CPS1: variants seen among roughly 807,000 people sequenced by gnomAD.
CPS1 encodes the protein carbamoyl-phosphate synthase [ammonia], mitochondrial.
CPS1 carries 109 observed loss-of-function variants against 174.6 expected under a neutral mutation model. The ratio of observed to expected loss-of-function variants is 0.62; its 90% CI spans 0.53 to 0.73. CPS1 has a LOEUF of 0.73. CPS1 is among the 30% of genes least tolerant of loss of function. The pLI is 0.00. For missense variants in CPS1, 1,689 were observed against 1,821.9 expected, an observed-to-expected ratio of 0.93 and a Z score of 1.33; for synonymous variants, 637 against 632.0, an observed-to-expected ratio of 1.01 and a Z score of -0.12.
intron 28 of CPS1, among the ~76,000 whole-genome samples, chr2:210,653,568 T>C (rs1023331805): frequency 9.2e-5 from 14 of 152,214 alleles, no homozygotes; most frequent in African/African-American, 2.9e-4. Flanking sequence ...TTCTGAGTTC[T>C]CCCACAATTC....
At chr2:210,669,088 A>G (rs1188258425) in intron 34 of CPS1, among the ~76,000 whole-genome samples, 5 of 152,200 alleles carry the variant, frequency 3.3e-5, no homozygotes, top group Non-Finnish European at 7.4e-5. Flanking sequence ...ATTCATTGGT[A>G]AGCCTTCTAG....
rs142089591 is a variant in CPS1 at position 210,514,979 on chromosome 2, T to C, written c.3+37213T>C. Among the ~76,000 whole-genome samples the C allele has an allele frequency of 5.3e-4, 80 of 151,876 alleles. No individual in the cohort carries two copies. The East Asian group carries it at 0.011, about 20-fold the overall frequency. On this transcript the variant is annotated intron_variant, in intron 1 of 38. Coordinates refer to the CPS1 transcript ENST00000430249. ...ATCATATGTTTTGTTGTTAATTCTC[T>C]TTATGTGGTAAATCGAATTTATTGA... is the stretch of plus-strand genomic sequence containing the variant.
At position 210,637,775 on chromosome 2, in the gene CPS1, C is replaced by G; in HGVS notation, c.2761C>G (p.Leu921Val). 1.2e-6 allele frequency: 2 copies of G among 1,613,970 alleles called. No individual in the cohort carries two copies. The highest frequency in any genetic ancestry group is 1.7e-6 in the Non-Finnish European group (2 of 1,179,900). Reference protein sequence around the residue: ...GFSDKQISKCLGLTEAQTREL... With the variant: ...GFSDKQISKCVGLTEAQTREL... ...CTCAGATAAGCAGATTTCAAAATGC[C>G]TTGGGCTCACTGAGGCCCAGACAAG... The change falls in exon 22 of 38, where the codon CTT (leucine) becomes GTT (valine). Residue 921 changes from leucine (L) to valine (V), a missense_variant. Coordinates refer to ENST00000233072, the MANE Select transcript of CPS1 (RefSeq NM_001875.5).
At chr2:210,608,224 A>G (rs1698988636) in intron 18 of CPS1, 137 bp from the exon 19 acceptor site, 1 of 760,000 alleles carries the variant, frequency 1.3e-6, no homozygotes, top group African/African-American at 1.7e-5. Flanking sequence ...CTAAATATTG[A>G]TGCAGAACAG....
chr2:210,556,972 A>G (rs1696933201), intron 1 of CPS1, 113 bp downstream of exon 1: 4 of 1,199,402 alleles, frequency 3.3e-6, no homozygotes, highest in Non-Finnish European at 4.9e-6. Flanking sequence ...CTGAAGTACT[A>G]ATGTATTAAT....
intron 1 of CPS1, among the ~76,000 whole-genome samples, chr2:210,502,241 C>T (rs1307503895): frequency 6.6e-6 from 1 of 151,828 alleles, no homozygotes; most frequent in Non-Finnish European, 1.5e-5. Flanking sequence ...ACCATATTAC[C>T]AATTTTCCTT....
intron 32 of CPS1, 96 bp downstream of exon 32, chr2:210,660,751 T>C (rs1406044890): frequency 1.7e-6 from 2 of 1,201,056 alleles, no homozygotes; most frequent in Non-Finnish European, 2.4e-6. Context: ...TAAAACCTTC[T>C]AACTAAAGGG....
intron 1 of CPS1, among the ~76,000 whole-genome samples, chr2:210,503,698 A>G (rs1038889622): frequency 6.6e-6 from 1 of 152,200 alleles, no homozygotes; most frequent in Non-Finnish European, 1.5e-5. Context: ...GGGTGAACAC[A>G]TTCAGGTTAC....
intron 21 of CPS1, among the ~76,000 whole-genome samples, chr2:210,623,844 G>A (rs190319309): frequency 2.0e-5 from 3 of 152,232 alleles, no homozygotes; most frequent in Admixed American, 6.5e-5. Context: ...CAAAAATCAG[G>A]CAAGAACGTT....
intron 1 of CPS1, among the ~76,000 whole-genome samples, chr2:210,501,233 G>A (rs1267714329): frequency 1.3e-5 from 2 of 152,122 alleles, no homozygotes; most frequent in African/African-American, 4.8e-5. Flanking sequence ...GGGCTGCCAT[G>A]AAGGTCACTG....
Position 210,642,664 on chromosome 2 carries a change from A to T in CPS1, c.3140A>T (p.Glu1047Val). ...AGAATCCTAGACATCTACCATCAGGAGGTAAGAAAAGAAAAACAGAAAAAA... is the reference window on the plus strand; with the variant it reads ...AGAATCCTAGACATCTACCATCAGGTGGTAAGAAAAGAAAAACAGAAAAAA... Reference protein sequence around the residue: ...LERILDIYHQEACGGCIISVG... With the variant: ...LERILDIYHQVACGGCIISVG... The change falls in exon 25 of 38, where the codon GAG becomes GTG. Residue 1047 changes from glutamate to valine, a missense_variant and splice_region_variant. Coordinates refer to ENST00000233072, the MANE Select transcript of CPS1 (RefSeq NM_001875.5). The T allele has an allele frequency of 6.2e-7, 1 of 1,613,718 alleles. No homozygotes were observed.
chr2:210,481,621 CT>C (rs1307213252), intron 1 of CPS1, among the ~76,000 whole-genome samples: 1 of 152,228 alleles, frequency 6.6e-6, no homozygotes, highest in African/African-American at 2.4e-5. Flanking sequence ...TGCAGTCCTT[CT>C]TTTAAGATTT....
intron 1 of CPS1, among the ~76,000 whole-genome samples, chr2:210,479,329 CTTTTTTTTT>C (rs11299389): frequency 2.5e-5 from 3 of 122,412 alleles, no homozygotes; most frequent in Non-Finnish European, 5.2e-5. Context: ...ATCATTCTTT[CTTTTTTTTT>C]TTTTTTTTTG....
intron 1 of CPS1, among the ~76,000 whole-genome samples, chr2:210,561,881 A>G (rs1697112866): frequency 6.6e-6 from 1 of 152,200 alleles, no homozygotes; most frequent in Non-Finnish European, 1.5e-5. Context: ...TAAATTTCAT[A>G]GGGAGGTAAC....
rs916069853 is a variant in CPS1 at position 210,678,982 on chromosome 2, C to T, written c.*997C>T. ...ATTCCACCCACTGTAAGGGCAAGGACACCATTCCTTCTACATATAAGAAAA... is the reference window on the plus strand; with the variant it reads ...ATTCCACCCACTGTAAGGGCAAGGATACCATTCCTTCTACATATAAGAAAA... On this transcript the variant is annotated 3_prime_UTR_variant, in exon 38 of 38. Coordinates refer to ENST00000233072, the MANE Select transcript of CPS1 (RefSeq NM_001875.5). 3.3e-5 allele frequency: 5 copies of T among 152,208 alleles called. No homozygotes were observed. Among genetic ancestry groups the T allele is most frequent in the Non-Finnish European group, 7.3e-5 (5 of 68,042 alleles). 9.4% of individuals were successfully genotyped at this position (152,208 alleles called of 1,614,324 possible).
chr2:210,556,398 C>A (rs73073545), upstream of CPS1: 3,039 of 499,874 alleles, frequency 6.1e-3, 78 homozygotes, highest in African/African-American at 0.054. Context: ...TCATTCCATT[C>A]AGCTGCATAA....
chr2:210,647,230 G>A (rs544724733), intron 25 of CPS1, among the ~76,000 whole-genome samples: 1 of 152,238 alleles, frequency 6.6e-6, no homozygotes, highest in South Asian at 2.1e-4. Context: ...GAAGAGAAAG[G>A]AAACAACAGC....
At chr2:210,535,344 C>T (rs1267475520) in intron 1 of CPS1, among the ~76,000 whole-genome samples, 1 of 152,180 alleles carries the variant, frequency 6.6e-6, no homozygotes, top group African/African-American at 2.4e-5. Context: ...TCAATAGGCT[C>T]AATCTCTCTT....
chr2:210,632,439 T>C (rs1699898198), intron 21 of CPS1, among the ~76,000 whole-genome samples: 1 of 152,226 alleles, frequency 6.6e-6, no homozygotes, highest in Non-Finnish European at 1.5e-5. Flanking sequence ...TTGATTATAA[T>C]GGGACACACA....
Sources: gnomAD v4.1 joint callset for allele counts (sites outside exome capture counted in the v4.1 genomes callset) on GRCh38, gnomAD v4.1.1 for gene constraint, MANE v1.5 for transcripts, NCBI Gene and HGNC (gene_info 2026-07-23, HGNC 2026-07-21) for gene names.